The following SGSM2 variants were observed in gnomAD, a reference collection of about 807,000 sequenced individuals.
The protein encoded by SGSM2 is small G protein signaling modulator 2.
Under a neutral mutation model 126.6 loss-of-function variants are expected in SGSM2, and 89 were observed. The ratio of observed to expected loss-of-function variants is 0.70; its 90% CI spans 0.59 to 0.84. The LOEUF is 0.84. Ranked by LOEUF, SGSM2 falls within the 40% of genes least tolerant of loss-of-function variation. The probability of loss-of-function intolerance (pLI) is 0.00; values close to 1 mark genes in which losing one functional copy is unlikely to be tolerated. For synonymous variants in SGSM2, 614 were observed against 574.3 expected (o/e 1.07, Z -0.99); for missense variants, 1,404 against 1,416.6 (o/e 0.99, Z 0.14).
chr17:2,376,504 C>T (rs1490162787), intron 19 of SGSM2: 2 of 661,598 alleles, frequency 3.0e-6, no homozygotes, highest in Non-Finnish European at 5.1e-6. Flanking sequence ...CGCACCCCCG[C>T]CCCACATACC....
chr17:2,353,217 C>T (rs1325859191), intron 2 of SGSM2, among the ~76,000 whole-genome samples: 1 of 152,110 alleles, frequency 6.6e-6, no homozygotes, highest in African/African-American at 2.4e-5. Flanking sequence ...GCAGAGCCCA[C>T]ATGCGCCCCC....
intron 2 of SGSM2, 117 bp downstream of exon 2, chr17:2,343,737 A>G (rs538035324): frequency 5.5e-5 from 46 of 840,174 alleles, no homozygotes; most frequent in Non-Finnish European, 8.7e-5. Flanking sequence ...TGCAAGTCCA[A>G]ATCAACCTGG....
At position 2,379,998 on chromosome 17, in the gene SGSM2, G is replaced by GA; in HGVS notation, c.*478_*479insA. 4 of 1,386,016 alleles carry GA rather than the reference G, an allele frequency of 2.9e-6. No homozygotes were observed. The highest frequency in any genetic ancestry group is 3.7e-6 in the Non-Finnish European group (4 of 1,072,542). The allele number at this position is 1,386,016 out of a possible 1,614,324, so 85.9% of individuals were successfully genotyped here. On this transcript the variant is annotated 3_prime_UTR_variant, in exon 24 of 24. Coordinates refer to ENST00000268989, the MANE Select transcript of SGSM2 (RefSeq NM_014853.3). ...TGTGCGTGCACCAGCCCCAGCTGGA[G>GA]CAACCAAAACTGCTTCTGGTTTAGG...
rs780068520 is a variant in SGSM2, at chr17:2,365,255, G to A, written c.1202G>A (p.Arg401His). Residue 401 changes from arginine to histidine, a missense_variant, in exon 11 of 24, where the codon CGC becomes CAC. Physicochemically the swap from Arg to His is conservative, Grantham distance 29. Coordinates refer to ENST00000268989, the MANE Select transcript of SGSM2 (RefSeq NM_014853.3). ...FPKLRKRSSI[R>H]SVDMEEMGTG... The stretch of plus-strand genomic sequence containing the variant: ...AAGCTACGGAAACGAAGCAGCATTC[G>A]CTCCGTGGATATGGAGGAGATGGGC... 1.6e-5 allele frequency: 26 copies of A among 1,611,734 alleles called. No individual in the cohort carries two copies. The highest frequency in any genetic ancestry group is 1.3e-4 in the South Asian group (12 of 90,590).
chr17:2,367,686 A>C lies in SGSM2; in HGVS notation c.1423+281A>C, dbSNP rs2065659850. ...ATCTGATTGCCTCCTGGGCACCCTG[A>C]ATGGATCTCTGAGCCCATTCCTACT... On this transcript the variant is annotated intron_variant, in intron 12 of 23. Coordinates refer to ENST00000268989, the MANE Select transcript of SGSM2 (RefSeq NM_014853.3). This position sits in a 1 kb window ranked among gnomAD's most constrained non-coding sequence, Gnocchi z 4.0. 6.6e-6 allele frequency among the ~76,000 whole-genome samples: 1 copy of C among 152,212 alleles called. No homozygotes were observed. The highest frequency in any genetic ancestry group is 1.5e-5 in the Non-Finnish European group (1 of 68,018).
At position 2,337,877 on chromosome 17, in the gene SGSM2, G is replaced by C; in HGVS notation, c.57+132G>C. 1 of 469,704 alleles carries C rather than the reference G, an allele frequency of 2.1e-6. No individual in the cohort carries two copies. The highest frequency in any genetic ancestry group is 3.4e-6 in the Non-Finnish European group (1 of 294,364). 29.1% of individuals were successfully genotyped at this position (469,704 alleles called of 1,614,324 possible). A position where few individuals can be genotyped will look rare whatever the true frequency, so the allele number is the denominator to read the frequency against. Reference sequence around the variant, plus strand: ...GGGCCGGGCGGGGCGGGTCCTGGACGGGCTGCGCCTCCTTCCCCTTTCTCG... The same window carrying C: ...GGGCCGGGCGGGGCGGGTCCTGGACCGGCTGCGCCTCCTTCCCCTTTCTCG... On this transcript the variant is annotated intron_variant, in intron 1 of 23. Coordinates refer to ENST00000268989, the MANE Select transcript of SGSM2 (RefSeq NM_014853.3). The surrounding 1 kb of genome is among the most constrained non-coding windows in gnomAD (Gnocchi z 5.1).
In SGSM2 at chr17:2,365,322, C is replaced by G; in HGVS notation, c.1269C>G (p.Pro423=). The G allele has an allele frequency of 6.4e-7, 1 of 1,568,392 alleles. No homozygotes were observed. Among genetic ancestry groups the G allele is most frequent in the Non-Finnish European group, 8.7e-7 (1 of 1,155,752 alleles). The change falls in exon 11 of 24, where the codon CCC becomes CCG. Residue 423 remains proline, a synonymous_variant. Transcript: ENST00000268989. ...ATDYVFRIIY[P]GHRHEHITIN... The stretch of plus-strand genomic sequence containing the variant: ...ACTATGTGTTCCGGATCATCTACCC[C>G]GGCCACAGGCACGAGCACAGTGAGT...
At position 2,372,997 on chromosome 17, in the gene SGSM2, C is replaced by T. The variant is rs774989841; in HGVS notation, c.1833C>T (p.Gly611=). The T allele has an allele frequency of 6.9e-6, 11 of 1,590,654 alleles. No individual in the cohort carries two copies. The South Asian group carries it at 8.0e-5, about 12-fold the overall frequency. ...LELLRQVYYG[G]IEHEIRKDVW... is the part of the protein sequence containing the mutation. ...TGCTGCGGCAAGTTTACTACGGAGG[C>T]ATAGAGCACGAGATCCGCAAGGACG... The change falls in exon 16 of 24, where the codon GGC becomes GGT. Residue 611 remains glycine (G), a synonymous_variant. Transcript: ENST00000268989. The surrounding 1 kb of genome is among the most constrained non-coding windows in gnomAD (Gnocchi z 6.0).
chr17:2,340,334 C>T (rs4790076), intron 1 of SGSM2, among the ~76,000 whole-genome samples: 28,359 of 151,856 alleles, frequency 0.19, 2,698 homozygotes, highest in South Asian at 0.25. Flanking sequence ...AGGATAGTCT[C>T]GATCTCCTGA....
At chr17:2,357,814 C>T (rs1398052216) in intron 2 of SGSM2, among the ~76,000 whole-genome samples, 1 of 152,178 alleles carries the variant, frequency 6.6e-6, no homozygotes, top group Non-Finnish European at 1.5e-5. Flanking sequence ...TCATGTTTCT[C>T]TCTTCTCCAT....
chr17:2,358,881 T>C (rs1364340883), intron 2 of SGSM2, among the ~76,000 whole-genome samples: 2 of 149,036 alleles, frequency 1.3e-5, no homozygotes. Flanking sequence ...TTGTTTTTTT[T>C]TTTTTTTTTT....
In SGSM2 at chr17:2,363,914, G is replaced by A; in HGVS notation, c.808-145G>A. The A allele has an allele frequency of 1.0e-6, 1 of 971,616 alleles. No individual in the cohort carries two copies. The allele number at this position is 971,616 out of a possible 1,614,324, so 60.2% of individuals were successfully genotyped here. A position where few individuals can be genotyped will look rare whatever the true frequency, so the allele number is the denominator to read the frequency against. ...CAGGGAAACTGAGTCCTGTTTTCCT[G>A]TGCTTCTGCCCCGTCCCTAGTCCAG... On this transcript the variant is annotated intron_variant, in intron 7 of 23. Coordinates refer to ENST00000268989, the MANE Select transcript of SGSM2 (RefSeq NM_014853.3). This position sits in a 1 kb window ranked among gnomAD's most constrained non-coding sequence, Gnocchi z 4.2.
chr17:2,373,553 G>GA, intron 17 of SGSM2, 40 bp downstream of exon 17: 1 of 1,555,588 alleles, frequency 6.4e-7, no homozygotes, highest in Non-Finnish European at 8.7e-7. Flanking sequence ...GGTCTCGGGG[G>GA]CCACCCGCGT....
At chr17:2,349,322 G>C (rs2064746701) in intron 2 of SGSM2, among the ~76,000 whole-genome samples, 1 of 152,068 alleles carries the variant, frequency 6.6e-6, no homozygotes, top group African/African-American at 2.4e-5. Flanking sequence ...GTTTCAGTGA[G>C]CGAGATTGTG....
chr17:2,375,543 G>A lies in SGSM2; in HGVS notation c.2152G>A (p.Asp718Asn), dbSNP rs773779165. 2.8e-5 allele frequency: 45 copies of A among 1,613,586 alleles called. No individual in the cohort carries two copies. Among genetic ancestry groups the A allele is most frequent in the Non-Finnish European group, 3.7e-5 (44 of 1,179,966 alleles). ...ACCCCCGGAGCCCCAGGACCCTGAA[G>A]ATTCCAGACCAAAACCTGAGCAGGA... ...LEPPEPQDPE[D>N]SRPKPEQEAG... Residue 718 changes from aspartate to asparagine, a missense_variant, in exon 18 of 24, where the codon GAT (aspartate) becomes AAT (asparagine). By Grantham distance (23) the Asp-to-Asn change is conservative. Transcript: ENST00000268989.
In SGSM2 at chr17:2,337,681, G is replaced by C. The variant is rs1474685243; in HGVS notation, c.-8G>C. ...TGAGGACCGCTCGGCGCCGCCTCCT[G>C]CCACACCATGGGCAGCGCAGAGGAC... On this transcript the variant is annotated 5_prime_UTR_variant, in exon 1 of 24. Transcript: ENST00000268989. The surrounding 1 kb of genome is among the most constrained non-coding windows in gnomAD (Gnocchi z 5.1). 1 of 1,495,880 alleles carries C rather than the reference G, an allele frequency of 6.7e-7. No homozygotes were observed. Among genetic ancestry groups the C allele is most frequent in the Non-Finnish European group, 9.0e-7 (1 of 1,115,106 alleles). 92.7% of individuals were successfully genotyped at this position (1,495,880 alleles called of 1,614,324 possible). A position where few individuals can be genotyped will look rare whatever the true frequency, so the allele number is the denominator to read the frequency against.
At chr17:2,348,906 T>C (rs1343631851) in intron 2 of SGSM2, among the ~76,000 whole-genome samples, 3 of 151,978 alleles carry the variant, frequency 2.0e-5, no homozygotes, top group African/African-American at 7.2e-5. Flanking sequence ...GGTCTACAGG[T>C]CTACGCGCCA....
intron 1 of SGSM2, among the ~76,000 whole-genome samples, chr17:2,339,687 G>A (rs555781060): frequency 1.4e-5 from 2 of 143,956 alleles, no homozygotes; most frequent in African/African-American, 2.6e-5. Flanking sequence ...CAGCCTGGGC[G>A]ACAGAGCAAC....
At position 2,367,362 on chromosome 17, in the gene SGSM2, A is replaced by G. The variant is rs1433430217; in HGVS notation, c.1380A>G (p.Ser460=). 6.2e-7 allele frequency: 1 copy of G among 1,614,180 alleles called. No homozygotes were observed. The highest frequency in any genetic ancestry group is 8.5e-7 in the Non-Finnish European group (1 of 1,180,022). The change falls in exon 12 of 24, where the codon TCA becomes TCG. Residue 460 remains serine (S), a synonymous_variant. Transcript: ENST00000268989. The surrounding 1 kb of genome is among the most constrained non-coding windows in gnomAD (Gnocchi z 4.0). ...AGGATAAACTGCACGCGATGCTCTC[A>G]ATGATCTGCTCGCGGAACCTCACAG... ...EEEDKLHAML[S]MICSRNLTAP...
Sources: allele counts gnomAD v4.1 joint callset (sites outside exome capture counted in the v4.1 genomes callset), GRCh38; gene constraint gnomAD v4.1.1; non-coding constraint Gnocchi (gnomAD v3.1); transcripts MANE v1.5; gene names NCBI Gene and HGNC (gene_info 2026-07-23, HGNC 2026-07-21).